DOCK4: variants seen among roughly 807,000 people sequenced by gnomAD.
DOCK4 encodes dedicator of cytokinesis 4.
A neutral mutation model predicts 268.1 loss-of-function variants in DOCK4; 97 were observed. That is an observed-to-expected ratio of 0.36 (90% CI 0.31 to 0.43). DOCK4 has a LOEUF of 0.43. Among genes scored for constraint, DOCK4 ranks in the 20% least tolerant of loss-of-function variants. The probability of loss-of-function intolerance (pLI) is 1.00; values close to 1 mark genes in which losing one functional copy is unlikely to be tolerated. For synonymous variants in DOCK4, 954 were observed against 887.2 expected (o/e 1.08, Z -1.34); for missense variants, 2,145 against 2,455.7 (o/e 0.87, Z 2.67).
intron 8 of DOCK4, among the ~76,000 whole-genome samples, chr7:111,953,394 TA>T (rs1250606814): frequency 6.6e-6 from 1 of 152,142 alleles, no homozygotes; most frequent in African/African-American, 2.4e-5. Context: ...AGCCTCTCCC[TA>T]AAAGGCAATA....
intron 1 of DOCK4, among the ~76,000 whole-genome samples, chr7:112,075,138 T>C (rs568000723): frequency 6.6e-6 from 1 of 152,314 alleles, no homozygotes; most frequent in Admixed American, 6.5e-5. Context: ...AAACACTGAT[T>C]GTGGAAAAAT....
chr7:111,906,601 C>A (rs1435536196), intron 13 of DOCK4, among the ~76,000 whole-genome samples: 2 of 152,118 alleles, frequency 1.3e-5, no homozygotes, highest in Admixed American at 1.3e-4. Context: ...AGGTTCCAAT[C>A]CCTGGAACCT....
intron 1 of DOCK4, among the ~76,000 whole-genome samples, chr7:112,006,062 G>T (rs1169140580): frequency 6.6e-6 from 1 of 152,156 alleles, no homozygotes; most frequent in Non-Finnish European, 1.5e-5. Flanking sequence ...TCCTCTTAAA[G>T]GTTGGTGTGA....
intron 8 of DOCK4, among the ~76,000 whole-genome samples, chr7:111,955,221 A>G (rs2134920993): frequency 6.6e-6 from 1 of 152,326 alleles, no homozygotes; most frequent in South Asian, 2.1e-4. Context: ...TAAGATTATT[A>G]ATGTGCTTTC....
At chr7:111,957,045 C>T (rs1370689939) in intron 8 of DOCK4, among the ~76,000 whole-genome samples, 4 of 152,088 alleles carry the variant, frequency 2.6e-5, no homozygotes, top group African/African-American at 9.7e-5. Context: ...TTTTGAAGAT[C>T]AGGTGCTTTT....
At chr7:111,851,167 G>A (rs7781643) in intron 23 of DOCK4, among the ~76,000 whole-genome samples, 4,008 of 152,198 alleles carry the variant, frequency 0.026, 189 homozygotes, top group African/African-American at 0.09. Flanking sequence ...TGAAAAAGCC[G>A]GGTGCGGTGG....
chr7:111,812,043 T>C lies in DOCK4; in HGVS notation c.2931-94A>G. ...AAACCTACTAAGATAAAATAAAACC[T>C]TCTTCAGTAAGCATCTGGAGCAATA... On this transcript the variant is annotated intron_variant, in intron 27 of 52. Coordinates refer to ENST00000428084, the MANE Select transcript of DOCK4 (RefSeq NM_001363540.2). The C allele has an allele frequency of 4.7e-6, 3 of 639,750 alleles. No individual in the cohort carries two copies. In the South Asian group the frequency reaches 7.0e-5, roughly 15 times the overall value. The allele number at this position is 639,750 out of a possible 1,614,324, so 39.6% of individuals were successfully genotyped here. A position where few individuals can be genotyped will look rare whatever the true frequency, so the allele number is the denominator to read the frequency against.
chr7:111,899,608 CTA>C (rs1790961588), intron 15 of DOCK4, among the ~76,000 whole-genome samples: 1 of 152,186 alleles, frequency 6.6e-6, no homozygotes, highest in Non-Finnish European at 1.5e-5. Context: ...TGTAACAGTT[CTA>C]TGTCTTGGGT....
At chr7:111,857,693 G>T (rs1218496111) in intron 23 of DOCK4, among the ~76,000 whole-genome samples, 1 of 152,194 alleles carries the variant, frequency 6.6e-6, no homozygotes, top group East Asian at 1.9e-4. Context: ...AGCTCTAGCA[G>T]ATCTGACCTC....
At chr7:111,847,178 C>A (rs1330153035) in intron 23 of DOCK4, 52 bp from the exon 24 acceptor site, 1 of 1,600,690 alleles carries the variant, frequency 6.2e-7, no homozygotes, top group East Asian at 2.2e-5. Flanking sequence ...CCACGCAATA[C>A]CTAGGGCAAA....
intron 9 of DOCK4, 66 bp downstream of exon 9, chr7:111,945,649 ATT>A (rs1301071873): frequency 7.6e-7 from 1 of 1,315,936 alleles, no homozygotes; most frequent in Admixed American, 2.4e-5. Flanking sequence ...ACAGTAATTT[ATT>A]TCTCCTAAAT....
At chr7:111,933,300 T>A (rs185336423) in intron 12 of DOCK4, among the ~76,000 whole-genome samples, 11,318 of 92,442 alleles carry the variant, frequency 0.12, 1,274 homozygotes, top group African/African-American at 0.18. Context: ...ATATATATAT[T>A]TTTTTTTTTT....
chr7:111,956,715 C>T (rs2134936296), intron 8 of DOCK4, among the ~76,000 whole-genome samples: 1 of 152,268 alleles, frequency 6.6e-6, no homozygotes, highest in South Asian at 2.1e-4. Context: ...AGTAATGTGA[C>T]CACCTTCTTC....
At chr7:111,732,076 T>C in intron 52 of DOCK4, 150 bp downstream of exon 52, 1 of 787,070 alleles carries the variant, frequency 1.3e-6, no homozygotes, top group Non-Finnish European at 2.0e-6. Flanking sequence ...TCCAGTGTTG[T>C]TTTTCTCAAC....
rs1052235985 is a variant in DOCK4, at chr7:112,078,955, G to A, written c.38-74824C>T. ...AGTCTGGGTAACATGGCAAAACTCC[G>A]TCTCTACTAAAAATACAAAAAATTA... On this transcript the variant is annotated intron_variant, in intron 1 of 52. Coordinates refer to ENST00000428084, the MANE Select transcript of DOCK4 (RefSeq NM_001363540.2). Among the ~76,000 whole-genome samples, 16 of 152,156 alleles carry A rather than the reference G, an allele frequency of 1.1e-4. No homozygotes were observed. The South Asian group carries it at 1.2e-3, about 12-fold the overall frequency.
At chr7:111,865,210 A>G (rs1427222095) in intron 22 of DOCK4, among the ~76,000 whole-genome samples, 1 of 152,214 alleles carries the variant, frequency 6.6e-6, no homozygotes, top group African/African-American at 2.4e-5. Context: ...TGTCCATGAA[A>G]TAGAAAGCTA....
intron 39 of DOCK4, among the ~76,000 whole-genome samples, chr7:111,760,894 C>T (rs1797358999): frequency 1.3e-5 from 2 of 151,836 alleles, no homozygotes; most frequent in Admixed American, 1.3e-4. Flanking sequence ...CCTGAATGAT[C>T]TGATTAGATA....
At chr7:112,203,941 A>T (rs1184684199) in intron 1 of DOCK4, among the ~76,000 whole-genome samples, 2 of 152,130 alleles carry the variant, frequency 1.3e-5, no homozygotes, top group Non-Finnish European at 2.9e-5. Flanking sequence ...ATAAAGGTTA[A>T]TTAACATTCT....
At chr7:112,100,444 C>T (rs879620699) in intron 1 of DOCK4, among the ~76,000 whole-genome samples, 5 of 152,192 alleles carry the variant, frequency 3.3e-5, no homozygotes, top group Non-Finnish European at 7.3e-5. Context: ...GACACAGATG[C>T]TCCAGTTTTT....
Sources: allele counts gnomAD v4.1 joint callset (sites outside exome capture counted in the v4.1 genomes callset), GRCh38; gene constraint gnomAD v4.1.1; transcripts MANE v1.5; gene names NCBI Gene and HGNC (gene_info 2026-07-23, HGNC 2026-07-21).